Variants in LAIR1 observed in about 807,000 individuals in gnomAD.
LAIR1 encodes leukocyte-associated immunoglobulin-like receptor 1.
In LAIR1, 24 loss-of-function variants were observed where a neutral mutation model predicts 32.8. The observed-to-expected ratio is 0.73, with a 90% CI of 0.53 to 1.03. The LOEUF is 1.03. Ranked by LOEUF, LAIR1 falls within the 50% of genes least tolerant of loss-of-function variation. The probability of loss-of-function intolerance (pLI) is 0.00; values close to 1 mark genes in which losing one functional copy is unlikely to be tolerated. For missense variants in LAIR1, 355 were observed against 347.5 expected, an observed-to-expected ratio of 1.02 and a Z score of -0.17; for synonymous variants, 150 against 140.5, an observed-to-expected ratio of 1.07 and a Z score of -0.48.
rs763639863 is a variant in LAIR1, at chr19:54,356,904, T to C, written c.454+24A>G. 3.1e-6 allele frequency: 5 copies of C among 1,613,674 alleles called. No homozygotes were observed. The East Asian group carries it at 1.1e-4, about 36-fold the overall frequency. Reference sequence around the variant, plus strand: ...CCCCAAGAGGCACACACCAGCTTCATGCTCCACGGCCCCCATCACTCACGC... The same window carrying C: ...CCCCAAGAGGCACACACCAGCTTCACGCTCCACGGCCCCCATCACTCACGC... On this transcript the variant is annotated intron_variant, in intron 5 of 9. Coordinates refer to ENST00000391742, the MANE Select transcript of LAIR1 (RefSeq NM_002287.6).
upstream of LAIR1, chr19:54,365,051 G>A (rs975283944): frequency 1.3e-5 from 18 of 1,401,274 alleles, no homozygotes; most frequent in Admixed American, 3.2e-5. Context: ...CTTAGAGGCA[G>A]ATGACCGTAA....
upstream of LAIR1, among the ~76,000 whole-genome samples, chr19:54,366,466 C>T (rs539469632): frequency 4.6e-5 from 7 of 152,230 alleles, no homozygotes; most frequent in East Asian, 7.7e-4. Flanking sequence ...AGAGATACCA[C>T]GCCAGGGTGT....
Position 54,355,117 on chromosome 19 carries a change from C to A in LAIR1, c.*151G>T, listed in dbSNP as rs1601258619. The A allele has an allele frequency of 1.4e-6, 1 of 718,012 alleles. No homozygotes were observed. The highest frequency in any genetic ancestry group is 2.7e-5 in the Admixed American group (1 of 37,602). 44.5% of individuals were successfully genotyped at this position (718,012 alleles called of 1,614,324 possible). A position where few individuals can be genotyped will look rare whatever the true frequency, so the allele number is the denominator to read the frequency against. ...GAACCTTCTGGATGCTGGTTAGAAACCTCCAGTCTCCAGCTCTTGTCTCCA... is the reference window on the plus strand; with the variant it reads ...GAACCTTCTGGATGCTGGTTAGAAAACTCCAGTCTCCAGCTCTTGTCTCCA... On this transcript the variant is annotated 3_prime_UTR_variant, in exon 10 of 10. Coordinates refer to ENST00000391742, the MANE Select transcript of LAIR1 (RefSeq NM_002287.6). This position sits in a 1 kb window ranked among gnomAD's most constrained non-coding sequence, Gnocchi z 4.7.
At chr19:54,372,846 A>G (rs1420974263), upstream of LAIR1, among the ~76,000 whole-genome samples, 8 of 151,362 alleles carry the variant, frequency 5.3e-5, no homozygotes, top group Non-Finnish European at 7.4e-5. Flanking sequence ...AAGTCGATCA[A>G]CTGGCCTGGC....
chr19:54,358,446 T>G (rs897350929), intron 4 of LAIR1: 6 of 761,320 alleles, frequency 7.9e-6, no homozygotes, highest in Non-Finnish European at 1.1e-5. Flanking sequence ...ATTTAAATTA[T>G]AGGTCTGAAA....
At chr19:54,374,119 A>ATAT (rs1219077119), upstream of LAIR1, among the ~76,000 whole-genome samples, 1 of 152,000 alleles carries the variant, frequency 6.6e-6, no homozygotes, top group Non-Finnish European at 1.5e-5. Context: ...GAGCAGCCAC[A>ATAT]TATTTCTGCC....
rs3826753 is a variant in LAIR1 at position 54,354,442 on chromosome 19, C to T, written c.*826G>A. On this transcript the variant is annotated 3_prime_UTR_variant, in exon 10 of 10. Coordinates refer to ENST00000391742, the MANE Select transcript of LAIR1 (RefSeq NM_002287.6). ...AATATCTAATGTATCGTATCTGTGG[C>T]GATGGGTGCGCTGAGGAATTGATTG... 0.36 allele frequency: 54,943 copies of T among 152,042 alleles called. 10,187 individuals carry two copies. The highest frequency in any genetic ancestry group is 0.44 in the Admixed American group (6,796 of 15,274). The allele number at this position is 152,042 out of a possible 1,614,324, so 9.4% of individuals were successfully genotyped here.
At chr19:54,362,717 C>T (rs1050698220) in intron 2 of LAIR1, among the ~76,000 whole-genome samples, 2 of 152,198 alleles carry the variant, frequency 1.3e-5, no homozygotes, top group African/African-American at 4.8e-5. Flanking sequence ...AACTTCTGAC[C>T]TCAAGTGATC....
rs1341493553 is a variant in LAIR1 at position 54,353,259 on chromosome 19, T to G, written c.*2009A>C. 6.6e-6 allele frequency: 1 copy of G among 151,578 alleles called. No individual in the cohort carries two copies. Among genetic ancestry groups the G allele is most frequent in the Non-Finnish European group, 1.5e-5 (1 of 68,020 alleles). 9.4% of individuals were successfully genotyped at this position (151,578 alleles called of 1,614,324 possible). A position where few individuals can be genotyped will look rare whatever the true frequency, so the allele number is the denominator to read the frequency against. On this transcript the variant is annotated 3_prime_UTR_variant, in exon 10 of 10. Coordinates refer to ENST00000391742, the MANE Select transcript of LAIR1 (RefSeq NM_002287.6). Reference sequence around the variant, plus strand: ...ACAGAGACAGACAGAGCAGGGAGAATGTGTCCCACGTGAAGAACAGGGAAA... The same window carrying G: ...ACAGAGACAGACAGAGCAGGGAGAAGGTGTCCCACGTGAAGAACAGGGAAA...
rs2081703810 is a variant in LAIR1 at position 54,356,360 on chromosome 19, G to T, written c.622C>A (p.Gln208Lys). 1 of 1,594,466 alleles carries T rather than the reference G, an allele frequency of 6.3e-7. No homozygotes were observed. Among genetic ancestry groups the T allele is most frequent in the Non-Finnish European group, 8.5e-7 (1 of 1,170,660 alleles). ...RSKDEEQKPQQRPDLAVDVLE... is the reference protein window; with the variant it reads ...RSKDEEQKPQKRPDLAVDVLE... ...AGTCATTCCCAGGGGCCTCACCTCT[G>T]CTGTGGCTTCTGCTCCTCGTCCTTG... The change falls in exon 7 of 10, where the codon CAG (glutamine) becomes AAG (lysine). Residue 208 changes from glutamine (Q) to lysine (K), a missense_variant. Coordinates refer to ENST00000391742, the MANE Select transcript of LAIR1 (RefSeq NM_002287.6).
chr19:54,362,076 C>A (rs572208951), intron 2 of LAIR1, among the ~76,000 whole-genome samples: 2 of 151,866 alleles, frequency 1.3e-5, no homozygotes, highest in East Asian at 3.9e-4. Flanking sequence ...TTAAGGTGTA[C>A]AACATGATGT....
chr19:54,356,785 G>T lies in LAIR1; in HGVS notation c.454+143C>A, dbSNP rs2081736985. The stretch of plus-strand genomic sequence containing the variant: ...CGTTATCCCCTTCTTCCACCACCGG[G>T]GTCCTGAGTGCTGGAGTCCTCTGCA... On this transcript the variant is annotated intron_variant, in intron 5 of 9. Transcript: ENST00000391742. The T allele has an allele frequency of 6.7e-6, 8 of 1,186,898 alleles. No homozygotes were observed. In the Admixed American group the frequency reaches 1.7e-4, roughly 26 times the overall value. 73.5% of individuals were successfully genotyped at this position (1,186,898 alleles called of 1,614,324 possible). A position where few individuals can be genotyped will look rare whatever the true frequency, so the allele number is the denominator to read the frequency against.
chr19:54,373,833 G>A (rs1050713021), upstream of LAIR1, among the ~76,000 whole-genome samples: 13 of 152,228 alleles, frequency 8.5e-5, no homozygotes, highest in Admixed American at 1.3e-4. Flanking sequence ...AGGGACACCC[G>A]CTTCCTCCAT....
At chr19:54,372,491 CTT>C (rs35628063), upstream of LAIR1, among the ~76,000 whole-genome samples, 13 of 131,522 alleles carry the variant, frequency 9.9e-5, no homozygotes, top group Non-Finnish European at 9.5e-5. Flanking sequence ...TTCTTTCTTT[CTT>C]TTTTTTTTTT....
chr19:54,367,187 CA>C (rs1360678784), upstream of LAIR1, among the ~76,000 whole-genome samples: 10 of 152,126 alleles, frequency 6.6e-5, no homozygotes, highest in African/African-American at 2.4e-4. Context: ...CAGAATAGTC[CA>C]AACGTTTCAA....
chr19:54,368,340 C>T (rs2082319284), upstream of LAIR1: 1 of 152,196 alleles, frequency 6.6e-6, no homozygotes, highest in African/African-American at 2.4e-5. Context: ...AGGAATACTA[C>T]ATTTGTTTTG....
chr19:54,369,080 C>T (rs1278959230), upstream of LAIR1, among the ~76,000 whole-genome samples: 2 of 150,462 alleles, frequency 1.3e-5, no homozygotes, highest in Non-Finnish European at 2.9e-5. Flanking sequence ...ATATGCCCTT[C>T]ATCCAGGTCC....
chr19:54,368,981 C>T (rs914569113), upstream of LAIR1, among the ~76,000 whole-genome samples: 1 of 151,144 alleles, frequency 6.6e-6, no homozygotes, highest in African/African-American at 2.5e-5. Flanking sequence ...GCCACTGCAC[C>T]CGGCCGACTA....
chr19:54,363,908 T>C (rs181365767), intron 2 of LAIR1, among the ~76,000 whole-genome samples: 5 of 152,178 alleles, frequency 3.3e-5, no homozygotes, highest in African/African-American at 4.8e-5. Context: ...TAATAATTTA[T>C]TGTATATTTC....
Sources: gnomAD v4.1 joint callset for allele counts (sites outside exome capture counted in the v4.1 genomes callset) on GRCh38, gnomAD v4.1.1 for gene constraint, Gnocchi (gnomAD v3.1) non-coding constraint, MANE v1.5 for transcripts, NCBI Gene and HGNC (gene_info 2026-07-23, HGNC 2026-07-21) for gene names.